TLE2: variants seen among roughly 807,000 people sequenced by gnomAD.
The protein encoded by TLE2 is TLE family member 2, transcriptional corepressor.
Under a neutral mutation model 97.2 loss-of-function variants are expected in TLE2, and 74 were observed. That is an observed-to-expected ratio of 0.76 (90% CI 0.63 to 0.92). The LOEUF is 0.92. Ranked by LOEUF, TLE2 falls within the 40% of genes least tolerant of loss-of-function variation. The pLI is 0.00. For missense variants in TLE2, 1,038 were observed against 1,008.7 expected (o/e 1.03, Z -0.39); for synonymous variants, 499 against 432.1 (o/e 1.15, Z -1.92).
intron 7 of TLE2, 123 bp from the exon 8 acceptor site, chr19:3,017,982 G>C: frequency 1.3e-6 from 1 of 774,530 alleles, no homozygotes. Flanking sequence ...CCCACTCAGA[G>C]TCTCTCTACC....
At chr19:3,010,631 AG>A (rs1243183555) in intron 12 of TLE2, among the ~76,000 whole-genome samples, 3 of 152,162 alleles carry the variant, frequency 2.0e-5, no homozygotes, top group Non-Finnish European at 4.4e-5. Flanking sequence ...AAGGCAGAAA[AG>A]ATGAGCACTG....
chr19:3,044,171 CA>C (rs112268932), intron 1 of TLE2, among the ~76,000 whole-genome samples: 39 of 140,116 alleles, frequency 2.8e-4, no homozygotes, highest in Admixed American at 5.0e-4. Context: ...TCCGTCTCAC[CA>C]AAAAAAAAAA....
chr19:3,042,455 A>AGGGGGAGGTCAGCGGCTGGGG (rs1325087585), intron 1 of TLE2, among the ~76,000 whole-genome samples: 1 of 11,602 alleles, frequency 8.6e-5, no homozygotes, highest in Non-Finnish European at 1.6e-4. Context: ...AGAGGTTTGC[A>AGGGGGAGGTCAGCGGCTGGGG]GGGGGAGGTC....
upstream of TLE2, chr19:3,029,491 C>T: frequency 1.0e-6 from 1 of 983,274 alleles, no homozygotes; most frequent in Non-Finnish European, 1.2e-6. Context: ...GGTCCCCACC[C>T]CCTCCCGGAG....
intron 1 of TLE2, among the ~76,000 whole-genome samples, chr19:3,041,746 C>T (rs76302952): frequency 0.063 from 9,564 of 152,320 alleles, 396 homozygotes; most frequent in Middle Eastern, 0.12. Context: ...ACACAGTAGG[C>T]GCCCAATAAA....
rs2090056438 is a variant in TLE2, at chr19:3,035,633, C to T, written c.64-6830G>A. On this transcript the variant is annotated intron_variant, in intron 1 of 18. Transcript: ENST00000426948. The stretch of plus-strand genomic sequence containing the variant: ...GGCCGCCCCAGCTACTGTGGAAATT[C>T]CTTTCTCCGCGGTGGTTGGCTGGGG... Among the ~76,000 whole-genome samples, 3 of 152,310 alleles carry T rather than the reference C, an allele frequency of 2.0e-5. No individual in the cohort carries two copies. In the South Asian group the frequency reaches 6.2e-4, roughly 32 times the overall value.
intron 19 of TLE2, among the ~76,000 whole-genome samples, chr19:2,998,450 G>T (rs555250467): frequency 4.9e-4 from 73 of 148,960 alleles, no homozygotes; most frequent in African/African-American, 1.8e-3. Flanking sequence ...GCTAATTTTT[G>T]TATTTTTAGA....
rs751081594 is a variant in TLE2, at chr19:3,015,888, G to A, written c.571-128C>T. 4.1e-6 allele frequency: 3 copies of A among 735,836 alleles called. No homozygotes were observed. In the South Asian group the frequency reaches 4.4e-5, roughly 11 times the overall value. 45.6% of individuals were successfully genotyped at this position (735,836 alleles called of 1,614,324 possible). On this transcript the variant is annotated intron_variant, in intron 8 of 19. Transcript: ENST00000262953. ...TCCGGACCTCAAGCTTCCCATCTGG[G>A]AAATGGGAGCTTCCAACGGCTGACT... is the stretch of plus-strand genomic sequence containing the variant.
At chr19:3,005,327 G>C (rs1396641005) in intron 17 of TLE2, 110 bp downstream of exon 17, 1 of 1,394,572 alleles carries the variant, frequency 7.2e-7, no homozygotes, top group African/African-American at 1.4e-5. Context: ...CACCACAGCA[G>C]ATGGGAGTCC....
chr19:3,029,834 T>C (rs1013659973), upstream of TLE2, among the ~76,000 whole-genome samples: 4 of 152,152 alleles, frequency 2.6e-5, no homozygotes, highest in Non-Finnish European at 5.9e-5. Context: ...TCTCCCTGTG[T>C]TGCCCAGGCT....
intron 7 of TLE2, among the ~76,000 whole-genome samples, chr19:3,018,226 G>A (rs895008609): frequency 1.3e-5 from 2 of 151,996 alleles, no homozygotes; most frequent in African/African-American, 4.8e-5. Context: ...CGAGTTCCCG[G>A]GCTCAAGTGA....
At chr19:3,029,384 C>A (rs970490410), upstream of TLE2, among the ~76,000 whole-genome samples, 9 of 144,182 alleles carry the variant, frequency 6.2e-5, no homozygotes, top group South Asian at 2.1e-4. Flanking sequence ...CGCGCCCGCG[C>A]CCCCCCCGGC....
intron 5 of TLE2, among the ~76,000 whole-genome samples, chr19:3,021,726 G>A (rs1030153501): frequency 6.6e-6 from 1 of 151,630 alleles, no homozygotes; most frequent in Non-Finnish European, 1.5e-5. Context: ...GAGATTACAG[G>A]TGCGCACCAC....
chr19:3,017,216 C>A (rs1002305064), intron 8 of TLE2, among the ~76,000 whole-genome samples: 1 of 144,614 alleles, frequency 6.9e-6, no homozygotes, highest in Non-Finnish European at 1.5e-5. Context: ...CGGCTCACTG[C>A]AACCTCTGTC....
At chr19:3,047,511 C>CCG, upstream of TLE2, 1 of 150,806 alleles carries the variant, frequency 6.6e-6, no homozygotes, top group Non-Finnish European at 1.5e-5. Flanking sequence ...GCTTGTGACC[C>CCG]CCCCCCAGGC....
intron 17 of TLE2, among the ~76,000 whole-genome samples, chr19:3,003,225 GGAGA>G (rs2089404665): frequency 6.6e-6 from 1 of 152,184 alleles, no homozygotes; most frequent in Non-Finnish European, 1.5e-5. Flanking sequence ...CAGGGAGGAG[GGAGA>G]GAGGAGGGAG....
At position 3,029,121 on chromosome 19, in the gene TLE2, G is replaced by A. The variant is rs1024690506; in HGVS notation, c.-217C>T. ...CCCCTCCCCGGGTTGGGGTGCGCGGGGCGAGCGGGGCGGGCAGGGGCAGCG... is the reference window on the plus strand; with the variant it reads ...CCCCTCCCCGGGTTGGGGTGCGCGGAGCGAGCGGGGCGGGCAGGGGCAGCG... On this transcript the variant is annotated 5_prime_UTR_variant, in exon 1 of 20. Transcript: ENST00000262953. 3.4e-4 allele frequency: 379 copies of A among 1,126,646 alleles called. No individual in the cohort carries two copies. Among genetic ancestry groups the A allele is most frequent in the Non-Finnish European group, 4.1e-4 (373 of 920,064 alleles). 69.8% of individuals were successfully genotyped at this position (1,126,646 alleles called of 1,614,324 possible). A position where few individuals can be genotyped will look rare whatever the true frequency, so the allele number is the denominator to read the frequency against.
At chr19:3,027,614 T>C (rs1336340614) in intron 4 of TLE2, among the ~76,000 whole-genome samples, 6 of 152,272 alleles carry the variant, frequency 3.9e-5, no homozygotes, top group Admixed American at 2.0e-4. Context: ...AACTGCTAGA[T>C]ACTGTCTTCA....
At chr19:3,028,600 C>T in intron 2 of TLE2, 106 bp downstream of exon 2, 1 of 1,353,234 alleles carries the variant, frequency 7.4e-7, no homozygotes, top group Non-Finnish European at 1.0e-6. Flanking sequence ...TTTGTCGCGC[C>T]CCCCCTCCAA....
Sources: allele counts gnomAD v4.1 joint callset (sites outside exome capture counted in the v4.1 genomes callset), GRCh38; gene constraint gnomAD v4.1.1; transcripts MANE v1.5; gene names NCBI Gene and HGNC (gene_info 2026-07-23, HGNC 2026-07-21).